Variants in SAMD4A observed in about 807,000 individuals in gnomAD.
SAMD4A encodes protein Smaug homolog 1.
SAMD4A carries 33 observed loss-of-function variants against 81.3 expected under a neutral mutation model. The ratio of observed to expected loss-of-function variants is 0.41; its 90% CI spans 0.31 to 0.54. The LOEUF is 0.54. SAMD4A is among the 20% of genes least tolerant of loss of function. The probability of loss-of-function intolerance (pLI) is 0.37; values close to 1 mark genes in which losing one functional copy is unlikely to be tolerated. For missense variants in SAMD4A, 854 were observed against 951.1 expected, an observed-to-expected ratio of 0.90 and a Z score of 1.34; for synonymous variants, 389 against 382.1, an observed-to-expected ratio of 1.02 and a Z score of -0.21.
intron 3 of SAMD4A, among the ~76,000 whole-genome samples, chr14:54,713,817 C>A (rs2037051947): frequency 6.6e-6 from 1 of 152,192 alleles, no homozygotes; most frequent in East Asian, 1.9e-4. Context: ...GGTACATAAA[C>A]AATGAGGCAG....
intron 8 of SAMD4A, among the ~76,000 whole-genome samples, chr14:54,765,506 C>T (rs2038515108): frequency 6.6e-6 from 1 of 151,620 alleles, no homozygotes; most frequent in African/African-American, 2.4e-5. Flanking sequence ...ACCTGTAATC[C>T]CAGCTACTCG....
Position 54,789,015 on chromosome 14 carries a change from G to C in SAMD4A, c.*71G>C. The C allele has an allele frequency of 1.3e-6, 2 of 1,538,162 alleles. No homozygotes were observed. The highest frequency in any genetic ancestry group is 1.8e-6 in the Non-Finnish European group (2 of 1,111,168). On this transcript the variant is annotated 3_prime_UTR_variant, in exon 13 of 13. Coordinates refer to ENST00000554335, the MANE Select transcript of SAMD4A (RefSeq NM_015589.6). The stretch of plus-strand genomic sequence containing the variant: ...GCGGGTCCAGTGTCCGCCATCTTCA[G>C]GGTTGCACAGAATCCTCCAAGATAC...
intron 6 of SAMD4A, chr14:54,754,781 G>T (rs1044011299): frequency 2.0e-6 from 2 of 981,162 alleles, no homozygotes; most frequent in Non-Finnish European, 2.4e-6. Context: ...CCCATAGTTA[G>T]TTCATAATCA....
Position 54,775,075 on chromosome 14 carries a change from C to T in SAMD4A, c.1857C>T (p.Phe619=), listed in dbSNP as rs765680853. The change falls in exon 10 of 13, where the codon TTC becomes TTT. Residue 619 remains phenylalanine, a synonymous_variant. Coordinates refer to ENST00000554335, the MANE Select transcript of SAMD4A (RefSeq NM_015589.6). ...ARLGLLGTSG[F]VSSNQRNTTA... ...TGGGCCTCTTGGGCACCAGTGGATT[C>T]GTCAGCTCCAACCAGCGCAACACCA... 5.6e-6 allele frequency: 9 copies of T among 1,614,040 alleles called. No homozygotes were observed. In the East Asian group the frequency reaches 8.9e-5, roughly 16 times the overall value.
chr14:54,754,111 C>T (rs78348526), intron 6 of SAMD4A, among the ~76,000 whole-genome samples: 6 of 152,296 alleles, frequency 3.9e-5, no homozygotes, highest in South Asian at 4.2e-4. Flanking sequence ...GACAAATTAC[C>T]GTTAGCTTTA....
At chr14:54,786,337 G>A (rs2039140003) in intron 12 of SAMD4A, among the ~76,000 whole-genome samples, 1 of 146,872 alleles carries the variant, frequency 6.8e-6, no homozygotes, top group Non-Finnish European at 1.5e-5. Flanking sequence ...GTGGCTGAAG[G>A]GAGGAGGATG....
chr14:54,692,264 A>G (rs1326552021), intron 2 of SAMD4A, among the ~76,000 whole-genome samples: 1 of 152,130 alleles, frequency 6.6e-6, no homozygotes, highest in Non-Finnish European at 1.5e-5. Context: ...CCCTTCCCAG[A>G]CTTCCTGAGG....
At position 54,629,736 on chromosome 14, in the gene SAMD4A, A is replaced by C. The variant is rs780531624; in HGVS notation, c.196+61624A>C. ...TTAAGTGTACAGTTCAGTGGTATGA[A>C]GTGCATTCACATTGTTATGCAGCCA... On this transcript the variant is annotated intron_variant, in intron 2 of 12. Coordinates refer to ENST00000554335, the MANE Select transcript of SAMD4A (RefSeq NM_015589.6). Among the ~76,000 whole-genome samples, 148 of 152,166 alleles carry C rather than the reference A, an allele frequency of 9.7e-4. 1 individual carries two copies. The highest frequency in any genetic ancestry group is 2.6e-4 in the Admixed American group (4 of 15,282).
Position 54,763,985 on chromosome 14 carries a change from G to A in SAMD4A, c.1511-470G>A, listed in dbSNP as rs956148565. Among the ~76,000 whole-genome samples, 33 of 152,268 alleles carry A rather than the reference G, an allele frequency of 2.2e-4. No individual in the cohort carries two copies. In the East Asian group the frequency reaches 3.5e-3, roughly 16 times the overall value. On this transcript the variant is annotated intron_variant, in intron 7 of 12. Coordinates refer to ENST00000554335, the MANE Select transcript of SAMD4A (RefSeq NM_015589.6). ...CATGTGCACACCCACACACCTCCCC[G>A]TCTCCAGGAGGTGCCAGCTCGTTCC...
intron 7 of SAMD4A, among the ~76,000 whole-genome samples, chr14:54,761,314 C>T (rs1367824749): frequency 5.9e-5 from 9 of 152,212 alleles, no homozygotes; most frequent in Admixed American, 3.3e-4. Context: ...CTCCATCATG[C>T]ACGTGGTTAC....
intron 3 of SAMD4A, among the ~76,000 whole-genome samples, chr14:54,719,536 G>T (rs1369377176): frequency 2.0e-5 from 3 of 152,236 alleles, no homozygotes; most frequent in African/African-American, 7.2e-5. Context: ...CCTTCTTTGT[G>T]ACACACTGTT....
chr14:54,640,513 A>G (rs1200551883), intron 2 of SAMD4A, among the ~76,000 whole-genome samples: 4 of 152,018 alleles, frequency 2.6e-5, no homozygotes, highest in Admixed American at 6.6e-5. Context: ...TCCTTTTCCA[A>G]ATTTATGCTA....
At chr14:54,644,811 G>T (rs536141407) in intron 2 of SAMD4A, among the ~76,000 whole-genome samples, 1 of 152,282 alleles carries the variant, frequency 6.6e-6, no homozygotes, top group East Asian at 1.9e-4. Flanking sequence ...AAATTGAGAA[G>T]TCAAAGGACT....
chr14:54,774,837 GA>G, intron 9 of SAMD4A, 96 bp from the exon 10 acceptor site: 1 of 783,680 alleles, frequency 1.3e-6, no homozygotes, highest in Non-Finnish European at 2.0e-6. Context: ...AAAAAAAAAT[GA>G]GGAGACCTCC....
At chr14:54,613,714 TG>T (rs2034422277) in intron 2 of SAMD4A, among the ~76,000 whole-genome samples, 1 of 152,240 alleles carries the variant, frequency 6.6e-6, no homozygotes, top group Non-Finnish European at 1.5e-5. Context: ...AAGTTTCACA[TG>T]GTATTGCTTT....
intron 3 of SAMD4A, among the ~76,000 whole-genome samples, chr14:54,717,440 CAA>C (rs921636353): frequency 8.7e-4 from 86 of 98,790 alleles, no homozygotes; most frequent in Admixed American, 1.1e-3. Flanking sequence ...GACCCTGTCT[CAA>C]AAAAAAAAAA....
At chr14:54,685,281 C>CG (rs760773116) in intron 2 of SAMD4A, among the ~76,000 whole-genome samples, 6,703 of 134,496 alleles carry the variant, frequency 0.05, 243 homozygotes, top group Middle Eastern at 0.085. Context: ...CCTGCCCCCC[C>CG]CCCCAGCTCC....
chr14:54,592,309 C>A (rs913383979), intron 2 of SAMD4A, among the ~76,000 whole-genome samples: 1 of 152,170 alleles, frequency 6.6e-6, no homozygotes, highest in South Asian at 2.1e-4. Context: ...TTCTTTTCAT[C>A]CCATGCAGTG....
chr14:54,696,447 C>G (rs752821375), intron 2 of SAMD4A, among the ~76,000 whole-genome samples: 36 of 152,198 alleles, frequency 2.4e-4, no homozygotes, highest in Non-Finnish European at 4.8e-4. Context: ...TTTATTTCAC[C>G]AGTACTTCTT....
Sources: allele counts gnomAD v4.1 joint callset (sites outside exome capture counted in the v4.1 genomes callset), GRCh38; gene constraint gnomAD v4.1.1; transcripts MANE v1.5; gene names NCBI Gene and HGNC (gene_info 2026-07-23, HGNC 2026-07-21).